The following RORA variants were observed in gnomAD, a reference collection of about 807,000 sequenced individuals.
RORA encodes the protein nuclear receptor ROR-alpha.
A neutral mutation model predicts 69.5 loss-of-function variants in RORA; 7 were observed. The ratio of observed to expected loss-of-function variants is 0.10; its 90% CI spans 0.06 to 0.19. RORA has a LOEUF of 0.19. Among genes scored for constraint, RORA ranks in the 10% least tolerant of loss-of-function variants. The pLI, the probability that RORA is intolerant of heterozygous loss-of-function variation, is 1.00. For synonymous variants in RORA, 261 were observed against 240.8 expected, an observed-to-expected ratio of 1.08 and a Z score of -0.78; for missense variants, 457 against 663.0, an observed-to-expected ratio of 0.69 and a Z score of 3.41.
chr15:60,615,105 G>A (rs1240073578), intron 2 of RORA: 5 of 1,560,534 alleles, frequency 3.2e-6, no homozygotes, highest in African/African-American at 1.4e-5. Flanking sequence ...TGGATCAGCT[G>A]CCACTATCCA....
chr15:61,136,129 G>C (rs62007575), intron 1 of RORA, among the ~76,000 whole-genome samples: 1 of 152,084 alleles, frequency 6.6e-6, no homozygotes, highest in African/African-American at 2.4e-5. Flanking sequence ...CTTCTTGAAA[G>C]GGGGTGGAAG....
chr15:60,613,821 G>T (rs920097183), intron 2 of RORA, among the ~76,000 whole-genome samples: 1 of 149,718 alleles, frequency 6.7e-6, no homozygotes, highest in South Asian at 2.1e-4. Context: ...TTTGGTAAAA[G>T]GGCACCCTCA....
At chr15:61,144,809 T>C (rs991835479) in intron 1 of RORA, among the ~76,000 whole-genome samples, 4 of 152,188 alleles carry the variant, frequency 2.6e-5, no homozygotes, top group Non-Finnish European at 5.9e-5. Context: ...CAGAGTCACA[T>C]GTATATCCAA....
intron 1 of RORA, among the ~76,000 whole-genome samples, chr15:60,907,841 A>C (rs564799318): frequency 4.6e-5 from 7 of 152,204 alleles, no homozygotes; most frequent in Non-Finnish European, 8.8e-5. Flanking sequence ...CAAAGTCACC[A>C]AGGTCTGTAA....
At chr15:60,819,746 GACACACACACACACACACACAC>G (rs59044853) in intron 1 of RORA, among the ~76,000 whole-genome samples, 8 of 119,292 alleles carry the variant, frequency 6.7e-5, no homozygotes, top group East Asian at 4.7e-4. Context: ...GTCAAACCCA[GACACACACACACACACACACAC>G]ACACACACAC....
At chr15:60,698,094 T>C (rs1420006593) in intron 1 of RORA, among the ~76,000 whole-genome samples, 1 of 152,242 alleles carries the variant, frequency 6.6e-6, no homozygotes, top group African/African-American at 2.4e-5. Context: ...TATTTTATTG[T>C]AGACATTGTA....
chr15:61,072,156 G>C (rs1459261908), intron 1 of RORA, among the ~76,000 whole-genome samples: 1 of 152,166 alleles, frequency 6.6e-6, no homozygotes, highest in Non-Finnish European at 1.5e-5. Flanking sequence ...ACACGGACAG[G>C]ATTGTGAATG....
intron 3 of RORA, among the ~76,000 whole-genome samples, chr15:60,519,218 T>C (rs1409369711): frequency 6.6e-6 from 1 of 152,296 alleles, no homozygotes; most frequent in East Asian, 1.9e-4. Flanking sequence ...CTGTGTGTCT[T>C]ATGGTACCTG....
chr15:60,550,600 T>A (rs2067203704), intron 2 of RORA, among the ~76,000 whole-genome samples: 1 of 152,196 alleles, frequency 6.6e-6, no homozygotes, highest in African/African-American at 2.4e-5. Flanking sequence ...CACACATGGA[T>A]CAGCTTTCAA....
chr15:61,192,990 C>A (rs865905580), intron 1 of RORA, among the ~76,000 whole-genome samples: 3 of 152,178 alleles, frequency 2.0e-5, no homozygotes, highest in Non-Finnish European at 2.9e-5. Context: ...TGGCACGAAA[C>A]CTTCAACGAC....
Position 60,584,715 on chromosome 15 carries a change from T to C in RORA, c.197-52864A>G, listed in dbSNP as rs971440276. ...GTTCTACAGAAGATTTGAAGTGAGATGAACAAATAAAAAGAAGGAGAAAAA... is the reference window on the plus strand; with the variant it reads ...GTTCTACAGAAGATTTGAAGTGAGACGAACAAATAAAAAGAAGGAGAAAAA... On this transcript the variant is annotated intron_variant, in intron 2 of 10. Transcript: ENST00000335670. Among the ~76,000 whole-genome samples, 6 of 152,072 alleles carry C rather than the reference T, an allele frequency of 3.9e-5. No homozygotes were observed. The East Asian group carries it at 1.2e-3, about 29-fold the overall frequency.
At chr15:60,807,080 A>G (rs2072669363) in intron 1 of RORA, among the ~76,000 whole-genome samples, 2 of 152,194 alleles carry the variant, frequency 1.3e-5, no homozygotes, top group Admixed American at 6.5e-5. Context: ...GAAAAGAGAA[A>G]GAAAGAAAGG....
rs1015849318 is a variant in RORA, at chr15:60,494,451, A to C, written c.*3004T>G. The C allele has an allele frequency of 1.3e-5, 2 of 152,266 alleles. No homozygotes were observed. Among genetic ancestry groups the C allele is most frequent in the African/African-American group, 4.8e-5 (2 of 41,470 alleles). The allele number at this position is 152,266 out of a possible 1,614,324, so 9.4% of individuals were successfully genotyped here. A position where few individuals can be genotyped will look rare whatever the true frequency, so the allele number is the denominator to read the frequency against. ...GGAGACTGAAGTTTAGGAAACTTTA[A>C]TTATAAAAACTATTAAGGATAATTG... On this transcript the variant is annotated 3_prime_UTR_variant, in exon 11 of 11. Coordinates refer to ENST00000335670, the MANE Select transcript of RORA (RefSeq NM_134261.3).
intron 2 of RORA, among the ~76,000 whole-genome samples, chr15:60,617,524 C>G (rs540645516): frequency 6.6e-6 from 1 of 152,222 alleles, no homozygotes; most frequent in East Asian, 1.9e-4. Flanking sequence ...GGACTGCCTG[C>G]AGAACTGTCA....
intron 1 of RORA, among the ~76,000 whole-genome samples, chr15:60,963,285 T>C (rs1160603440): frequency 6.6e-6 from 1 of 152,218 alleles, no homozygotes; most frequent in Non-Finnish European, 1.5e-5. Flanking sequence ...GAAGTTAGAA[T>C]GTGCAGATGG....
intron 1 of RORA, among the ~76,000 whole-genome samples, chr15:61,067,389 C>CTACT (rs964975789): frequency 5.3e-5 from 8 of 152,130 alleles, no homozygotes; most frequent in Non-Finnish European, 1.2e-4. Flanking sequence ...CAGGTGTGAA[C>CTACT]TACTGTACCT....
chr15:61,098,273 T>TTCCCTCCTTCCC (rs2078826044), intron 1 of RORA, among the ~76,000 whole-genome samples: 1 of 118,506 alleles, frequency 8.4e-6, no homozygotes, highest in African/African-American at 3.0e-5. Context: ...CCCTCCCTTC[T>TTCCCTCCTTCCC]TCCCTCCTTC....
At chr15:61,159,664 C>T (rs1293730538) in intron 1 of RORA, among the ~76,000 whole-genome samples, 2 of 152,146 alleles carry the variant, frequency 1.3e-5, no homozygotes, top group African/African-American at 4.8e-5. Flanking sequence ...ATTTAGGTGA[C>T]ATATTGACTG....
chr15:60,502,578 CAAA>C (rs373582073), intron 8 of RORA, among the ~76,000 whole-genome samples, 179 bp downstream of exon 8: 1 of 152,026 alleles, frequency 6.6e-6, no homozygotes, highest in Non-Finnish European at 1.5e-5. Flanking sequence ...GTAATGTAGA[CAAA>C]AAACTTTTGA....
Sources: allele counts gnomAD v4.1 joint callset (sites outside exome capture counted in the v4.1 genomes callset), GRCh38; gene constraint gnomAD v4.1.1; transcripts MANE v1.5; gene names NCBI Gene and HGNC (gene_info 2026-07-23, HGNC 2026-07-21).